HS6ST1: variants seen among roughly 807,000 people sequenced by gnomAD.
The protein encoded by HS6ST1 is heparan-sulfate 6-O-sulfotransferase 1.
In HS6ST1, 3 loss-of-function variants were observed where a neutral mutation model predicts 25.2. The ratio of observed to expected loss-of-function variants is 0.12; its 90% CI spans 0.05 to 0.31. The LOEUF is 0.31. HS6ST1 is among the 10% of genes least tolerant of loss of function. The pLI is 1.00. For synonymous variants in HS6ST1, 204 were observed against 275.1 expected (o/e 0.74, Z 2.56); for missense variants, 310 against 609.6 (o/e 0.51, Z 5.18).
intron 1 of HS6ST1, among the ~76,000 whole-genome samples, chr2:128,308,946 G>A (rs1399748196): frequency 6.6e-6 from 1 of 152,216 alleles, no homozygotes; most frequent in Non-Finnish European, 1.5e-5. Context: ...TAGTACAGAG[G>A]CCACAGTGGA....
intron 1 of HS6ST1, among the ~76,000 whole-genome samples, chr2:128,280,894 G>A (rs1364533710): frequency 1.4e-5 from 2 of 148,126 alleles, no homozygotes; most frequent in Non-Finnish European, 2.9e-5. Context: ...GGCAGAGCCT[G>A]CAGCTGATGG....
At chr2:128,305,317 C>T (rs1488854662) in intron 1 of HS6ST1, among the ~76,000 whole-genome samples, 7 of 152,344 alleles carry the variant, frequency 4.6e-5, no homozygotes, top group African/African-American at 1.7e-4. Flanking sequence ...GGCCTGGCTT[C>T]CCGATGGGCC....
At chr2:128,290,551 C>T (rs1693935607) in intron 1 of HS6ST1, among the ~76,000 whole-genome samples, 1 of 152,116 alleles carries the variant, frequency 6.6e-6, no homozygotes, top group Non-Finnish European at 1.5e-5. Flanking sequence ...GCAAGGATGG[C>T]TTAACAGGAG....
intron 1 of HS6ST1, among the ~76,000 whole-genome samples, chr2:128,271,113 T>A (rs1053249425): frequency 6.6e-6 from 1 of 152,186 alleles, no homozygotes; most frequent in African/African-American, 2.4e-5. Context: ...CACAGAGTCA[T>A]GACACTGGCC....
intron 1 of HS6ST1, among the ~76,000 whole-genome samples, chr2:128,306,758 CCTTT>C (rs563677017): frequency 6.6e-5 from 10 of 152,188 alleles, no homozygotes; most frequent in African/African-American, 2.4e-4. Flanking sequence ...CCCCCATGCT[CCTTT>C]CTGAGGGGGT....
At chr2:128,312,370 G>C (rs10170649) in intron 1 of HS6ST1, among the ~76,000 whole-genome samples, 216 of 152,348 alleles carry the variant, frequency 1.4e-3, no homozygotes, top group African/African-American at 5.0e-3. Flanking sequence ...TACTTGTCTT[G>C]GGGGAGTGTT....
intron 1 of HS6ST1, among the ~76,000 whole-genome samples, chr2:128,278,655 C>T (rs1374053855): frequency 6.6e-6 from 1 of 152,172 alleles, no homozygotes. Flanking sequence ...AAGGCCTGCA[C>T]CAACCCCTGG....
intron 1 of HS6ST1, among the ~76,000 whole-genome samples, chr2:128,291,776 A>T (rs370965116): frequency 6.6e-6 from 1 of 152,316 alleles, no homozygotes; most frequent in African/African-American, 2.4e-5. Flanking sequence ...GACAGACCTC[A>T]CGGAGGCAAC....
chr2:128,277,873 T>C (rs748313601), intron 1 of HS6ST1, among the ~76,000 whole-genome samples: 1 of 152,278 alleles, frequency 6.6e-6, no homozygotes, highest in African/African-American at 2.4e-5. Context: ...GCCTGGATCA[T>C]GCACTTCGGC....
intron 1 of HS6ST1, among the ~76,000 whole-genome samples, chr2:128,297,144 C>A (rs1694050993): frequency 2.6e-5 from 4 of 152,120 alleles, no homozygotes; most frequent in Admixed American, 2.6e-4. Context: ...AACTTAACTA[C>A]AAAGCTATGG....
chr2:128,304,340 C>G (rs1042481314), intron 1 of HS6ST1, among the ~76,000 whole-genome samples: 2 of 152,214 alleles, frequency 1.3e-5, no homozygotes, highest in Non-Finnish European at 2.9e-5. Flanking sequence ...CCTTTAGAAA[C>G]TGGGTCTCCC....
rs879294879 is a variant in HS6ST1 at position 128,266,070 on chromosome 2, A to C, written c.*2092T>G. 6.6e-6 allele frequency: 1 copy of C among 151,580 alleles called. No homozygotes were observed. The highest frequency in any genetic ancestry group is 1.5e-5 in the Non-Finnish European group (1 of 67,860). The allele number at this position is 151,580 out of a possible 1,614,324, so 9.4% of individuals were successfully genotyped here. A position where few individuals can be genotyped will look rare whatever the true frequency, so the allele number is the denominator to read the frequency against. On this transcript the variant is annotated 3_prime_UTR_variant, in exon 2 of 2. Transcript: ENST00000259241. Reference sequence around the variant, plus strand: ...TTCCGTGTGAGTTGGGATGCGGGGCATAAGTTAACACATATTCCAATATGT... The same window carrying C: ...TTCCGTGTGAGTTGGGATGCGGGGCCTAAGTTAACACATATTCCAATATGT...
intron 1 of HS6ST1, among the ~76,000 whole-genome samples, chr2:128,310,598 C>CAG (rs56009518): frequency 3.3e-5 from 5 of 150,828 alleles, no homozygotes; most frequent in African/African-American, 1.2e-4. Flanking sequence ...CCCATCTTCA[C>CAG]CACGGCTGGG....
intron 1 of HS6ST1, among the ~76,000 whole-genome samples, chr2:128,277,193 G>C (rs1693709315): frequency 6.6e-6 from 1 of 152,138 alleles, no homozygotes; most frequent in East Asian, 1.9e-4. Context: ...TGATGCGGGG[G>C]GCTGGGGACC....
At chr2:128,317,418 G>GCCCCA (rs1694388386) in intron 1 of HS6ST1, among the ~76,000 whole-genome samples, 1 of 152,224 alleles carries the variant, frequency 6.6e-6, no homozygotes, top group Admixed American at 6.5e-5. Flanking sequence ...CGGCTGGCAG[G>GCCCCA]CCCCACTGGG....
intron 1 of HS6ST1, among the ~76,000 whole-genome samples, chr2:128,311,864 A>T (rs2104937531): frequency 6.6e-6 from 1 of 152,314 alleles, no homozygotes; most frequent in African/African-American, 2.4e-5. Context: ...GGAGTACCTG[A>T]AAACAGCCCA....
intron 1 of HS6ST1, among the ~76,000 whole-genome samples, chr2:128,269,867 T>C (rs910557480): frequency 1.3e-5 from 2 of 152,022 alleles, no homozygotes; most frequent in Non-Finnish European, 2.9e-5. Context: ...CCCACACTGC[T>C]CCCCTCCTCC....
intron 1 of HS6ST1, among the ~76,000 whole-genome samples, chr2:128,276,483 A>C (rs1332226229): frequency 6.6e-6 from 1 of 152,112 alleles, no homozygotes; most frequent in Non-Finnish European, 1.5e-5. Flanking sequence ...TTCAAGTCAG[A>C]GGCTAGCCCT....
chr2:128,300,300 T>A (rs759797533), intron 1 of HS6ST1, among the ~76,000 whole-genome samples: 1 of 151,870 alleles, frequency 6.6e-6, no homozygotes, highest in African/African-American at 2.4e-5. Flanking sequence ...ACAGCTACCA[T>A]CCCTACCTGG....
Sources: allele counts gnomAD v4.1 joint callset (sites outside exome capture counted in the v4.1 genomes callset), GRCh38; gene constraint gnomAD v4.1.1; transcripts MANE v1.5; gene names NCBI Gene and HGNC (gene_info 2026-07-23, HGNC 2026-07-21).